Variants in SEMA6D observed in about 807,000 individuals in gnomAD.
SEMA6D encodes the protein semaphorin-6D.
A neutral mutation model predicts 106.6 loss-of-function variants in SEMA6D; 35 were observed. The observed-to-expected ratio is 0.33, with a 90% CI of 0.25 to 0.44. The LOEUF (loss-of-function observed/expected upper bound fraction) is 0.44, where lower values mean the gene tolerates loss of function less well. Among genes scored for constraint, SEMA6D ranks in the 20% least tolerant of loss-of-function variants. The probability of loss-of-function intolerance (pLI) is 1.00; values close to 1 mark genes in which losing one functional copy is unlikely to be tolerated. For missense variants in SEMA6D, 1,185 were observed against 1,345.9 expected, an observed-to-expected ratio of 0.88 and a Z score of 1.87; for synonymous variants, 499 against 487.7, an observed-to-expected ratio of 1.02 and a Z score of -0.31.
rs1193542756 is a variant in SEMA6D at position 47,658,415 on chromosome 15, A to G, written c.-55+57519A>G. ...TTCAGCAGGAAAAAGAAACATTACT[A>G]CAAAAGATACATAGATGGACTGTAA... On this transcript the variant is annotated intron_variant, in intron 4 of 19. Coordinates refer to the SEMA6D transcript ENST00000558014. Among the ~76,000 whole-genome samples, 8 of 152,338 alleles carry G rather than the reference A, an allele frequency of 5.3e-5. No individual in the cohort carries two copies. The South Asian group carries it at 8.3e-4, about 16-fold the overall frequency.
At chr15:47,741,365 A>G (rs2080803368) in intron 1 of SEMA6D, among the ~76,000 whole-genome samples, 1 of 152,200 alleles carries the variant, frequency 6.6e-6, no homozygotes, top group South Asian at 2.1e-4. Flanking sequence ...AATCAGCTCT[A>G]ATTTTCCGGT....
intron 3 of SEMA6D, among the ~76,000 whole-genome samples, chr15:47,491,433 A>G (rs887143252): frequency 6.6e-6 from 1 of 152,116 alleles, no homozygotes; most frequent in African/African-American, 2.4e-5. Flanking sequence ...TGTCATCACA[A>G]AGTTCAAAAA....
intron 4 of SEMA6D, among the ~76,000 whole-genome samples, chr15:47,678,109 G>A (rs886080428): frequency 1.3e-5 from 2 of 152,076 alleles, no homozygotes; most frequent in Non-Finnish European, 2.9e-5. Context: ...TATTGGAGAG[G>A]CACCACTGGC....
At chr15:47,416,055 T>C (rs1011291998) in intron 2 of SEMA6D, among the ~76,000 whole-genome samples, 2 of 152,162 alleles carry the variant, frequency 1.3e-5, no homozygotes, top group Non-Finnish European at 2.9e-5. Context: ...TTGCCTGACA[T>C]ATGAAATACC....
At chr15:47,344,155 A>G (rs911854660) in intron 1 of SEMA6D, among the ~76,000 whole-genome samples, 4 of 151,530 alleles carry the variant, frequency 2.6e-5, no homozygotes, top group Admixed American at 6.6e-5. Context: ...TAGTTCAACC[A>G]TTGTGGAAGT....
intron 3 of SEMA6D, among the ~76,000 whole-genome samples, chr15:47,556,974 C>T (rs1278620672): frequency 6.6e-6 from 1 of 152,132 alleles, no homozygotes; most frequent in South Asian, 2.1e-4. Flanking sequence ...TACCTCATCA[C>T]TAAAATGTAC....
chr15:47,683,056 C>CATATTTTTT (rs1267025092), intron 4 of SEMA6D, among the ~76,000 whole-genome samples: 5 of 152,184 alleles, frequency 3.3e-5, no homozygotes, highest in African/African-American at 1.2e-4. Context: ...AGTCTGTGCA[C>CATATTTTTT]ATATTTTTTA....
At chr15:47,243,582 A>C (rs962265967) in intron 1 of SEMA6D, among the ~76,000 whole-genome samples, 6 of 152,144 alleles carry the variant, frequency 3.9e-5, no homozygotes, top group Non-Finnish European at 8.8e-5. Context: ...AGACAATAAT[A>C]ATTAGGATTT....
chr15:47,243,618 G>A (rs2033045131), intron 1 of SEMA6D, among the ~76,000 whole-genome samples: 1 of 152,104 alleles, frequency 6.6e-6, no homozygotes, highest in African/African-American at 2.4e-5. Context: ...ATAAGAAAAA[G>A]TGGCAGAAAG....
chr15:47,590,081 G>A (rs555162322), intron 3 of SEMA6D, among the ~76,000 whole-genome samples: 3 of 152,110 alleles, frequency 2.0e-5, no homozygotes, highest in East Asian at 1.9e-4. Flanking sequence ...ATATGCACAC[G>A]TATGTTTATT....
chr15:47,590,921 C>G (rs1428366970), intron 3 of SEMA6D, among the ~76,000 whole-genome samples: 1 of 152,094 alleles, frequency 6.6e-6, no homozygotes, highest in Non-Finnish European at 1.5e-5. Flanking sequence ...TATGGAAGCC[C>G]TAGGGGACTA....
intron 1 of SEMA6D, among the ~76,000 whole-genome samples, chr15:47,340,124 T>C (rs2037751777): frequency 6.6e-6 from 1 of 152,126 alleles, no homozygotes; most frequent in African/African-American, 2.4e-5. Flanking sequence ...GGTAGAGGCA[T>C]GCTTGGCAGT....
chr15:47,751,195 G>A (rs74011233), intron 1 of SEMA6D, among the ~76,000 whole-genome samples: 2,197 of 152,222 alleles, frequency 0.014, 55 homozygotes, highest in African/African-American at 0.05. Context: ...AAATACTGAC[G>A]GTGATCATTA....
chr15:47,240,524 G>T (rs774266711), intron 1 of SEMA6D, among the ~76,000 whole-genome samples: 7 of 152,006 alleles, frequency 4.6e-5, no homozygotes, highest in Non-Finnish European at 7.4e-5. Context: ...TCCTTTTTAA[G>T]ATCATTTCCA....
At chr15:47,597,849 A>G (rs1469613334) in intron 3 of SEMA6D, among the ~76,000 whole-genome samples, 1 of 147,092 alleles carries the variant, frequency 6.8e-6, no homozygotes, top group Admixed American at 6.8e-5. Flanking sequence ...TCATTCATAC[A>G]TATATATATA....
intron 3 of SEMA6D, among the ~76,000 whole-genome samples, chr15:47,471,184 A>C (rs2042825532): frequency 6.6e-6 from 1 of 152,156 alleles, no homozygotes; most frequent in African/African-American, 2.4e-5. Context: ...ACACAGTGAC[A>C]CGGCATTGGG....
intron 3 of SEMA6D, among the ~76,000 whole-genome samples, chr15:47,519,888 C>T (rs562059980): frequency 2.0e-5 from 3 of 152,178 alleles, no homozygotes; most frequent in Admixed American, 6.5e-5. Context: ...TTGTCATTAT[C>T]GTCATCATCA....
At chr15:47,692,827 A>G (rs1348772486) in intron 4 of SEMA6D, among the ~76,000 whole-genome samples, 1 of 152,294 alleles carries the variant, frequency 6.6e-6, no homozygotes, top group Non-Finnish European at 1.5e-5. Flanking sequence ...CAAAAGCATC[A>G]TATGAAAAGT....
At chr15:47,215,589 C>T (rs1164081154) in intron 1 of SEMA6D, among the ~76,000 whole-genome samples, 2 of 152,064 alleles carry the variant, frequency 1.3e-5, no homozygotes, top group Non-Finnish European at 2.9e-5. Context: ...ATAGCTACAT[C>T]TGATATATAT....
Sources: gnomAD v4.1 joint callset for allele counts (sites outside exome capture counted in the v4.1 genomes callset) on GRCh38, gnomAD v4.1.1 for gene constraint, MANE v1.5 for transcripts, NCBI Gene and HGNC (gene_info 2026-07-23, HGNC 2026-07-21) for gene names.